ZBTB16: variants seen among roughly 807,000 people sequenced by gnomAD.
ZBTB16 encodes zinc finger and BTB domain containing 16.
Under a neutral mutation model 56.8 loss-of-function variants are expected in ZBTB16, and 8 were observed. That is an observed-to-expected ratio of 0.14 (90% CI 0.08 to 0.25). ZBTB16 has a LOEUF of 0.25. Ranked by LOEUF, ZBTB16 falls within the 10% of genes least tolerant of loss-of-function variation. The pLI, the probability that ZBTB16 is intolerant of heterozygous loss-of-function variation, is 1.00. For synonymous variants in ZBTB16, 363 were observed against 368.5 expected (o/e 0.98, Z 0.17); for missense variants, 625 against 903.0 (o/e 0.69, Z 3.95).
Position 114,143,367 on chromosome 11 carries a change from C to T in ZBTB16, c.1269-12970C>T, listed in dbSNP as rs1038002442. Among the ~76,000 whole-genome samples, 1 of 152,054 alleles carries T rather than the reference C, an allele frequency of 6.6e-6. No homozygotes were observed. The highest frequency in any genetic ancestry group is 2.4e-5 in the African/African-American group (1 of 41,398). The stretch of plus-strand genomic sequence containing the variant: ...AGAGACAGAGAAACAAGCAGATGCA[C>T]CCTAGTGAGTACATCTGCTCCAACA... On this transcript the variant is annotated intron_variant, in intron 2 of 6. Coordinates refer to ENST00000335953, the MANE Select transcript of ZBTB16 (RefSeq NM_006006.6). The surrounding 1 kb of genome is among the most constrained non-coding windows in gnomAD (Gnocchi z 6.4).
intron 2 of ZBTB16, among the ~76,000 whole-genome samples, chr11:114,131,815 T>G (rs1394982983): frequency 1.3e-5 from 2 of 152,232 alleles, no homozygotes; most frequent in Middle Eastern, 3.2e-3. Context: ...TGTGTAAACA[T>G]GTTCATTGGT....
chr11:114,090,178 C>T (rs1274916477), intron 2 of ZBTB16, among the ~76,000 whole-genome samples: 2 of 152,220 alleles, frequency 1.3e-5, no homozygotes, highest in Non-Finnish European at 2.9e-5. Context: ...ATGTGGCTCC[C>T]TGCTATTCTG....
At chr11:114,080,423 A>ATGCTCGCTCTCGCTGG (rs1939718632) in intron 2 of ZBTB16, among the ~76,000 whole-genome samples, 1 of 151,792 alleles carries the variant, frequency 6.6e-6, no homozygotes, top group Admixed American at 6.6e-5. Context: ...TGAGCTGCAC[A>ATGCTCGCTCTCGCTGG]TGCTCGCTCT....
chr11:114,116,255 A>G (rs549737207), intron 2 of ZBTB16, among the ~76,000 whole-genome samples: 2 of 152,336 alleles, frequency 1.3e-5, no homozygotes, highest in East Asian at 3.9e-4. Flanking sequence ...GTAGTTACTG[A>G]CGGATGAAAT....
intron 4 of ZBTB16, among the ~76,000 whole-genome samples, chr11:114,206,603 T>G (rs1375922665): frequency 1.3e-5 from 2 of 152,216 alleles, no homozygotes; most frequent in African/African-American, 4.8e-5. Flanking sequence ...TCCTCAAACC[T>G]CACTTTGCCT....
At chr11:114,191,249 A>G (rs550860586) in intron 4 of ZBTB16, among the ~76,000 whole-genome samples, 39 of 152,338 alleles carry the variant, frequency 2.6e-4, no homozygotes, top group Admixed American at 1.8e-3. Flanking sequence ...ATTACACCAT[A>G]TAATAATAAC....
At chr11:114,203,456 G>A (rs1943780394) in intron 4 of ZBTB16, among the ~76,000 whole-genome samples, 2 of 152,058 alleles carry the variant, frequency 1.3e-5, no homozygotes, top group African/African-American at 4.8e-5. Context: ...GGGAGGTTGA[G>A]GCAGAAGGAT....
At chr11:114,231,937 C>G (rs1591801221) in intron 4 of ZBTB16, among the ~76,000 whole-genome samples, 1 of 152,168 alleles carries the variant, frequency 6.6e-6, no homozygotes, top group African/African-American at 2.4e-5. Flanking sequence ...CCAGAAAGGT[C>G]TAGTAACCCA....
At chr11:114,146,859 A>C (rs998323782) in intron 2 of ZBTB16, among the ~76,000 whole-genome samples, 6 of 152,050 alleles carry the variant, frequency 3.9e-5, no homozygotes, top group Non-Finnish European at 7.4e-5. Context: ...AAAAAAAAAA[A>C]AAAAAAACCA....
rs544737339 is a variant in ZBTB16, at chr11:114,060,876, G to C, written c.-91+994G>C. Among the ~76,000 whole-genome samples, 1 of 152,116 alleles carries C rather than the reference G, an allele frequency of 6.6e-6. No homozygotes were observed. Among genetic ancestry groups the C allele is most frequent in the Non-Finnish European group, 1.5e-5 (1 of 68,000 alleles). On this transcript the variant is annotated intron_variant, in intron 1 of 6. Coordinates refer to ENST00000335953, the MANE Select transcript of ZBTB16 (RefSeq NM_006006.6). The surrounding 1 kb of genome is among the most constrained non-coding windows in gnomAD (Gnocchi z 6.0). ...GGGGGTCACGGCCCTGGGTCGGAGA[G>C]GGAGGGCGGGCAGACCCCTTCTCGC... is the stretch of plus-strand genomic sequence containing the variant.
At chr11:114,144,736 T>C (rs544233946) in intron 2 of ZBTB16, among the ~76,000 whole-genome samples, 1 of 152,364 alleles carries the variant, frequency 6.6e-6, no homozygotes, top group East Asian at 1.9e-4. Flanking sequence ...TATTATTAAG[T>C]ATATTTTCAA....
intron 2 of ZBTB16, among the ~76,000 whole-genome samples, chr11:114,089,811 C>T (rs1004792874): frequency 3.3e-5 from 5 of 152,238 alleles, no homozygotes; most frequent in African/African-American, 1.2e-4. Context: ...GGAGGTCTGG[C>T]TGCTCCCCCT....
At chr11:114,225,907 T>C (rs1944319501) in intron 4 of ZBTB16, among the ~76,000 whole-genome samples, 1 of 152,176 alleles carries the variant, frequency 6.6e-6, no homozygotes. Flanking sequence ...CCAGCAACCT[T>C]GCATGGTGGG....
chr11:114,233,335 T>G (rs1225759080), intron 4 of ZBTB16, among the ~76,000 whole-genome samples: 2 of 151,994 alleles, frequency 1.3e-5, no homozygotes, highest in Non-Finnish European at 2.9e-5. Context: ...TTTTTAATCC[T>G]CGGATTCATT....
At chr11:114,102,110 G>A (rs1940629071) in intron 2 of ZBTB16, among the ~76,000 whole-genome samples, 1 of 152,134 alleles carries the variant, frequency 6.6e-6, no homozygotes, top group African/African-American at 2.4e-5. Flanking sequence ...ATGGTGGTTG[G>A]GACGTCCTCA....
intron 3 of ZBTB16, among the ~76,000 whole-genome samples, chr11:114,170,458 G>A (rs1266592929): frequency 1.3e-5 from 2 of 152,304 alleles, no homozygotes; most frequent in East Asian, 3.9e-4. Context: ...GGGAGAGAGG[G>A]GCGGATACCT....
rs1944977377 is a variant in ZBTB16, at chr11:114,255,037, A to G, written c.*4482A>G. 3.3e-5 allele frequency among the ~76,000 whole-genome samples: 5 copies of G among 152,302 alleles called. No individual in the cohort carries two copies. The South Asian group carries it at 1.0e-3, about 32-fold the overall frequency. On this transcript the variant is annotated 3_prime_UTR_variant, in exon 7 of 7. Coordinates refer to ENST00000335953, the MANE Select transcript of ZBTB16 (RefSeq NM_006006.6). The stretch of plus-strand genomic sequence containing the variant: ...TCATAGGATTTGTTCACATAGTGTT[A>G]TGCATGATCTTCGTAAGGTTAAGAA...
intron 4 of ZBTB16, among the ~76,000 whole-genome samples, chr11:114,238,405 T>A (rs1174203595): frequency 6.6e-6 from 1 of 152,006 alleles, no homozygotes; most frequent in Non-Finnish European, 1.5e-5. Flanking sequence ...CTGGGAAGTC[T>A]GTGATTGGGG....
At chr11:114,173,512 A>G (rs189627243) in intron 3 of ZBTB16, among the ~76,000 whole-genome samples, 1 of 152,312 alleles carries the variant, frequency 6.6e-6, no homozygotes, top group Admixed American at 6.5e-5. Context: ...TAATGACTTT[A>G]AAGGAACTGA....
Sources: allele counts gnomAD v4.1 joint callset (sites outside exome capture counted in the v4.1 genomes callset), GRCh38; gene constraint gnomAD v4.1.1; non-coding constraint Gnocchi (gnomAD v3.1); transcripts MANE v1.5; gene names NCBI Gene and HGNC (gene_info 2026-07-23, HGNC 2026-07-21).